The following NCMAP variants were observed in gnomAD, a reference collection of about 807,000 sequenced individuals.
The protein encoded by NCMAP is non-compact myelin associated protein, also known as noncompact myelin-associated protein.
A neutral mutation model predicts 7.8 loss-of-function variants in NCMAP; 8 were observed. The ratio of observed to expected loss-of-function variants is 1.02; its 90% CI spans 0.60 to 1.84. NCMAP has a LOEUF of 1.84. NCMAP is among the 40% of genes most tolerant of loss of function. The pLI is 0.00. For missense variants in NCMAP, 112 were observed against 131.4 expected (o/e 0.85, Z 0.72); for synonymous variants, 41 against 52.9 (o/e 0.78, Z 0.98).
intron 1 of NCMAP, among the ~76,000 whole-genome samples, chr1:24,587,104 C>T (rs1352337340): frequency 6.6e-6 from 1 of 152,172 alleles, no homozygotes; most frequent in African/African-American, 2.4e-5. Flanking sequence ...AGAATTCAGG[C>T]TCACATCTGA....
chr1:24,602,996 C>T (rs1652562189), intron 3 of NCMAP, among the ~76,000 whole-genome samples: 1 of 151,934 alleles, frequency 6.6e-6, no homozygotes, highest in African/African-American at 2.4e-5. Flanking sequence ...GCTGAGATCG[C>T]ACCACTGCAC....
chr1:24,595,240 C>T (rs766866213), intron 1 of NCMAP, among the ~76,000 whole-genome samples, 184 bp from the exon 2 acceptor site: 4 of 152,124 alleles, frequency 2.6e-5, no homozygotes, highest in Non-Finnish European at 5.9e-5. Flanking sequence ...TTACAAATGT[C>T]GGGTATTAGT....
intron 1 of NCMAP, among the ~76,000 whole-genome samples, chr1:24,568,507 AG>A (rs1303861870): frequency 1.3e-5 from 2 of 152,048 alleles, no homozygotes; most frequent in African/African-American, 2.4e-5. Flanking sequence ...GAGGTGGAGG[AG>A]GGGAGAGAAA....
At chr1:24,586,074 T>C (rs1651871911) in intron 1 of NCMAP, among the ~76,000 whole-genome samples, 1 of 152,192 alleles carries the variant, frequency 6.6e-6, no homozygotes, top group South Asian at 2.1e-4. Flanking sequence ...TGGGCAATTA[T>C]GGTATCTCAT....
intron 1 of NCMAP, among the ~76,000 whole-genome samples, chr1:24,558,480 C>G (rs1351467428): frequency 6.6e-6 from 1 of 152,204 alleles, no homozygotes; most frequent in Admixed American, 6.5e-5. Context: ...CATCCCCTCT[C>G]TCACATTTTG....
intron 1 of NCMAP, among the ~76,000 whole-genome samples, chr1:24,573,468 A>G (rs562591945): frequency 1.3e-5 from 2 of 150,768 alleles, no homozygotes; most frequent in South Asian, 4.1e-4. Context: ...TGTGCCTGTA[A>G]TCCCAGCTAC....
At chr1:24,562,363 A>T (rs1486087403) in intron 1 of NCMAP, among the ~76,000 whole-genome samples, 1 of 152,188 alleles carries the variant, frequency 6.6e-6, no homozygotes, top group African/African-American at 2.4e-5. Context: ...CATCTTGCAG[A>T]TGAAGAAACT....
At chr1:24,561,278 C>T (rs1024950555) in intron 1 of NCMAP, among the ~76,000 whole-genome samples, 4 of 150,576 alleles carry the variant, frequency 2.7e-5, no homozygotes, top group African/African-American at 9.8e-5. Flanking sequence ...ATGGGGGAGG[C>T]GGAGGTTGCA....
chr1:24,575,212 GA>G (rs1651515244), intron 1 of NCMAP, among the ~76,000 whole-genome samples: 1 of 151,782 alleles, frequency 6.6e-6, no homozygotes, highest in African/African-American at 2.4e-5. Context: ...CTTTGTCTCA[GA>G]TAAAAAAAGA....
At chr1:24,601,132 A>C (rs1652474545) in intron 3 of NCMAP, 108 bp downstream of exon 3, 2 of 867,930 alleles carry the variant, frequency 2.3e-6, no homozygotes, top group Admixed American at 1.9e-5. Flanking sequence ...AGTATCCCTC[A>C]GCCTTTAGTA....
chr1:24,592,915 C>T (rs550738401), intron 1 of NCMAP, among the ~76,000 whole-genome samples: 2 of 151,942 alleles, frequency 1.3e-5, no homozygotes, highest in Admixed American at 1.3e-4. Flanking sequence ...CAAGGTGGCT[C>T]ACGCCTGTAA....
intron 1 of NCMAP, among the ~76,000 whole-genome samples, chr1:24,579,208 T>A (rs1651679289): frequency 6.6e-6 from 1 of 151,872 alleles, no homozygotes; most frequent in Non-Finnish European, 1.5e-5. Flanking sequence ...TTTTTTTTTT[T>A]TTAAAGACTT....
chr1:24,588,044 G>A (rs1002616326), intron 1 of NCMAP, among the ~76,000 whole-genome samples: 1 of 152,030 alleles, frequency 6.6e-6, no homozygotes. Flanking sequence ...TCTTTAGTGA[G>A]AAAGATGGGA....
At position 24,605,804 on chromosome 1, in the gene NCMAP, C is replaced by A; in HGVS notation, c.*57C>A. ...CAAAGAGCCTCTCCAGAGTCAAGACCCAGAGGCACACTCTCTGGCAGCTTC... is the reference window on the plus strand; with the variant it reads ...CAAAGAGCCTCTCCAGAGTCAAGACACAGAGGCACACTCTCTGGCAGCTTC... On this transcript the variant is annotated 3_prime_UTR_variant, in exon 4 of 4. Coordinates refer to ENST00000374392, the MANE Select transcript of NCMAP (RefSeq NM_001010980.5). 1 of 1,590,484 alleles carries A rather than the reference C, an allele frequency of 6.3e-7. No individual in the cohort carries two copies. Among genetic ancestry groups the A allele is most frequent in the Non-Finnish European group, 8.6e-7 (1 of 1,161,670 alleles).
intron 2 of NCMAP, among the ~76,000 whole-genome samples, chr1:24,598,140 GC>G (rs1652325057): frequency 6.6e-6 from 1 of 152,170 alleles, no homozygotes; most frequent in Admixed American, 6.5e-5. Flanking sequence ...AACCTAAGTT[GC>G]CCCATGATGG....
At chr1:24,568,405 C>G (rs1311285365) in intron 1 of NCMAP, among the ~76,000 whole-genome samples, 2 of 152,128 alleles carry the variant, frequency 1.3e-5, no homozygotes, top group Non-Finnish European at 2.9e-5. Context: ...ACCTTACTGA[C>G]CTGGGGTCCC....
chr1:24,580,982 TTC>T (rs1651725503), intron 1 of NCMAP, among the ~76,000 whole-genome samples: 1 of 152,218 alleles, frequency 6.6e-6, no homozygotes, highest in East Asian at 1.9e-4. Flanking sequence ...TTGTTTTCTC[TTC>T]TGTACCCTTT....
At chr1:24,589,171 C>T (rs913539434) in intron 1 of NCMAP, among the ~76,000 whole-genome samples, 2 of 152,084 alleles carry the variant, frequency 1.3e-5, no homozygotes, top group Non-Finnish European at 2.9e-5. Context: ...GCACCGAGTG[C>T]GGTGCCGGAC....
At chr1:24,569,172 T>C (rs1651316685) in intron 1 of NCMAP, among the ~76,000 whole-genome samples, 1 of 152,114 alleles carries the variant, frequency 6.6e-6, no homozygotes, top group Non-Finnish European at 1.5e-5. Flanking sequence ...TTTTGTATTT[T>C]TAGTAGAGAC....
Sources: gnomAD v4.1 joint callset for allele counts (sites outside exome capture counted in the v4.1 genomes callset) on GRCh38, gnomAD v4.1.1 for gene constraint, MANE v1.5 for transcripts, NCBI Gene and HGNC (gene_info 2026-07-23, HGNC 2026-07-21) for gene names.